The following PRKG1 variants were observed in gnomAD, a reference collection of about 807,000 sequenced individuals.
The protein encoded by PRKG1 is cGMP-dependent protein kinase 1.
PRKG1 carries 35 observed loss-of-function variants against 88.1 expected under a neutral mutation model. The ratio of observed to expected loss-of-function variants is 0.40; its 90% CI spans 0.30 to 0.53. The LOEUF (loss-of-function observed/expected upper bound fraction) is 0.53, where lower values mean the gene tolerates loss of function less well. Among genes scored for constraint, PRKG1 ranks in the 20% least tolerant of loss-of-function variants. The pLI is 0.59. For synonymous variants in PRKG1, 303 were observed against 292.5 expected (o/e 1.04, Z -0.37); for missense variants, 540 against 839.8 (o/e 0.64, Z 4.41).
At chr10:51,441,314 C>T (rs946746743) in intron 2 of PRKG1, among the ~76,000 whole-genome samples, 19 of 152,000 alleles carry the variant, frequency 1.3e-4, no homozygotes, top group African/African-American at 3.6e-4. Context: ...GAAACTAAAG[C>T]ATGGAAGAAG....
In PRKG1 at chr10:51,724,051, T is replaced by C. The variant is rs1191949554; in HGVS notation, c.593-80534T>C. The stretch of plus-strand genomic sequence containing the variant: ...GTGTCGATGTGGAGATTAGTGTGTG[T>C]GTCTGAGTGGACTAGGTGGGGAAGA... On this transcript the variant is annotated intron_variant, in intron 3 of 17. Coordinates refer to ENST00000373980, the MANE Select transcript of PRKG1 (RefSeq NM_006258.4). Among the ~76,000 whole-genome samples, 37 of 152,136 alleles carry C rather than the reference T, an allele frequency of 2.4e-4. 2 individuals carry two copies. The highest frequency in any genetic ancestry group is 2.4e-3 in the Admixed American group (37 of 15,274).
At chr10:51,429,836 A>G (rs1286164570) in intron 2 of PRKG1, among the ~76,000 whole-genome samples, 3 of 151,954 alleles carry the variant, frequency 2.0e-5, no homozygotes, top group Admixed American at 2.0e-4. Flanking sequence ...AGAAGAAAAG[A>G]ATATACAAGA....
intron 3 of PRKG1, among the ~76,000 whole-genome samples, chr10:51,700,005 A>G (rs1841424600): frequency 6.6e-6 from 1 of 152,258 alleles, no homozygotes. Context: ...TTTCGTTCTG[A>G]CAAAGTATTT....
At chr10:51,533,491 A>G (rs898406819) in intron 3 of PRKG1, among the ~76,000 whole-genome samples, 4 of 152,218 alleles carry the variant, frequency 2.6e-5, no homozygotes, top group Middle Eastern at 3.4e-3. Context: ...CAGTTTACCA[A>G]TTCTGCACCT....
chr10:51,348,062 CAAAA>C (rs776480907), intron 2 of PRKG1, among the ~76,000 whole-genome samples: 1 of 150,880 alleles, frequency 6.6e-6, no homozygotes, highest in Non-Finnish European at 1.5e-5. Flanking sequence ...GACTCCATCT[CAAAA>C]AAAACAAAAA....
At chr10:51,846,535 A>G (rs1328112603) in intron 4 of PRKG1, among the ~76,000 whole-genome samples, 7 of 152,182 alleles carry the variant, frequency 4.6e-5, no homozygotes, top group African/African-American at 7.2e-5. Flanking sequence ...CCAGTCCTTC[A>G]AAAGGATCAG....
At chr10:51,332,053 A>G (rs1476494331) in intron 2 of PRKG1, among the ~76,000 whole-genome samples, 2 of 152,208 alleles carry the variant, frequency 1.3e-5, no homozygotes, top group Non-Finnish European at 2.9e-5. Flanking sequence ...TTGACATGAA[A>G]TCTTAATGAA....
chr10:52,197,555 A>T (rs375190204), intron 9 of PRKG1, among the ~76,000 whole-genome samples: 1 of 152,206 alleles, frequency 6.6e-6, no homozygotes, highest in Admixed American at 6.5e-5. Flanking sequence ...AGACACTGAC[A>T]TGTTTATTCT....
chr10:51,623,420 T>C (rs1003463907), intron 3 of PRKG1, among the ~76,000 whole-genome samples: 1 of 152,156 alleles, frequency 6.6e-6, no homozygotes, highest in South Asian at 2.1e-4. Context: ...CAGTCTGGTC[T>C]CAAACTCCTG....
At chr10:51,104,629 T>A (rs1010703466) in intron 1 of PRKG1, among the ~76,000 whole-genome samples, 1 of 151,844 alleles carries the variant, frequency 6.6e-6, no homozygotes, top group East Asian at 1.9e-4. Flanking sequence ...AAGTGATTCT[T>A]GTGCCTCAGC....
intron 1 of PRKG1, among the ~76,000 whole-genome samples, chr10:51,103,843 C>T (rs1844748567): frequency 6.6e-6 from 1 of 152,160 alleles, no homozygotes; most frequent in African/African-American, 2.4e-5. Flanking sequence ...TAAGTACATA[C>T]ACAACTAATT....
At chr10:51,324,696 G>A (rs182442656) in intron 2 of PRKG1, among the ~76,000 whole-genome samples, 112 of 152,150 alleles carry the variant, frequency 7.4e-4, no homozygotes, top group Non-Finnish European at 1.3e-3. Flanking sequence ...AGCCGAGATC[G>A]CGCCACTGCA....
At chr10:51,720,171 C>T (rs1841977779) in intron 3 of PRKG1, among the ~76,000 whole-genome samples, 1 of 152,104 alleles carries the variant, frequency 6.6e-6, no homozygotes, top group South Asian at 2.1e-4. Context: ...TCTTCACTAC[C>T]TTCCCCCTTA....
intron 1 of PRKG1, among the ~76,000 whole-genome samples, chr10:51,038,224 T>C (rs556841771): frequency 1.3e-5 from 2 of 152,316 alleles, no homozygotes; most frequent in African/African-American, 2.4e-5. Flanking sequence ...AATTTATGAG[T>C]TGGATGAGAT....
intron 5 of PRKG1, among the ~76,000 whole-genome samples, chr10:52,013,441 G>A (rs1047671540): frequency 2.0e-5 from 3 of 151,888 alleles, no homozygotes; most frequent in African/African-American, 7.2e-5. Context: ...AAGAAAGATG[G>A]TTGGGAGGTT....
chr10:51,669,464 T>C (rs1170533463), intron 3 of PRKG1, among the ~76,000 whole-genome samples: 1 of 152,202 alleles, frequency 6.6e-6, no homozygotes, highest in Non-Finnish European at 1.5e-5. Context: ...CATATGAATT[T>C]GGAGAGGGGA....
chr10:52,079,870 A>G (rs1445948089), intron 7 of PRKG1, among the ~76,000 whole-genome samples: 1 of 152,184 alleles, frequency 6.6e-6, no homozygotes, highest in Non-Finnish European at 1.5e-5. Context: ...GATATATGGT[A>G]TGGGGGCCTC....
chr10:51,270,837 T>G (rs1163764289), intron 2 of PRKG1, among the ~76,000 whole-genome samples: 1 of 152,082 alleles, frequency 6.6e-6, no homozygotes, highest in Non-Finnish European at 1.5e-5. Context: ...AGGGAAAATA[T>G]AAGGGAATCT....
At chr10:51,510,995 G>A (rs531559934) in intron 3 of PRKG1, among the ~76,000 whole-genome samples, 24 of 150,414 alleles carry the variant, frequency 1.6e-4, no homozygotes, top group African/African-American at 3.9e-4. Flanking sequence ...CTTGTGATCC[G>A]CCCACCTCAG....
Sources: gnomAD v4.1 joint callset for allele counts (sites outside exome capture counted in the v4.1 genomes callset) on GRCh38, gnomAD v4.1.1 for gene constraint, MANE v1.5 for transcripts, NCBI Gene and HGNC (gene_info 2026-07-23, HGNC 2026-07-21) for gene names.